The following ZNF529 variants were observed in gnomAD, a reference collection of about 807,000 sequenced individuals.
ZNF529 encodes zinc finger protein 529.
In ZNF529, 11 loss-of-function variants were observed where a neutral mutation model predicts 10.1. The observed-to-expected ratio is 1.09, with a 90% confidence interval of 0.69 to 1.81. The LOEUF (loss-of-function observed/expected upper bound fraction) is 1.81. Ranked by LOEUF, ZNF529 falls within the 40% of genes most tolerant of loss-of-function variation. The pLI is 0.00. For synonymous variants in ZNF529, 204 were observed against 215.7 expected, an observed-to-expected ratio of 0.95 and a Z score of 0.47; for missense variants, 624 against 666.8, an observed-to-expected ratio of 0.94 and a Z score of 0.71.
intron 2 of ZNF529, among the ~76,000 whole-genome samples, chr19:36,557,869 C>T (rs1221067901): frequency 6.6e-6 from 1 of 152,040 alleles, no homozygotes; most frequent in Non-Finnish European, 1.5e-5. Context: ...ATTTAACAGG[C>T]AAAGACTTCA....
intron 4 of ZNF529, among the ~76,000 whole-genome samples, chr19:36,549,011 C>A (rs749496649): frequency 3.9e-5 from 6 of 152,112 alleles, no homozygotes; most frequent in Non-Finnish European, 7.4e-5. Context: ...TCAAAAAAAA[C>A]CACCTCATTT....
upstream of ZNF529, chr19:36,577,988 TGAA>T (rs1310353152): frequency 6.9e-6 from 1 of 144,886 alleles, no homozygotes; most frequent in African/African-American, 2.7e-5. Context: ...TTTTATAAAA[TGAA>T]GAACTCAATC....
intron 2 of ZNF529, chr19:36,581,738 T>A: frequency 6.2e-6 from 1 of 161,970 alleles, no homozygotes; most frequent in Non-Finnish European, 1.3e-5. Context: ...TAGCTCTCCC[T>A]TTGCCTTCTG....
rs2035027610 is a variant in ZNF529, at chr19:36,546,514, G to T, written c.*352C>A. ...AGTAAGTATAGATATCACAAGCAAA[G>T]AATTACAATGCAGAAAAGATATTGA... is the stretch of plus-strand genomic sequence containing the variant. On this transcript the variant is annotated 3_prime_UTR_variant, in exon 5 of 5. Coordinates refer to ENST00000591340, the MANE Select transcript of ZNF529 (RefSeq NM_020951.5). The T allele has an allele frequency of 1.6e-5, 3 of 190,622 alleles. No individual in the cohort carries two copies. In the South Asian group the frequency reaches 3.8e-4, roughly 24 times the overall value. The allele number at this position is 190,622 out of a possible 1,614,324, so 11.8% of individuals were successfully genotyped here.
chr19:36,548,247 T>C lies in ZNF529; in HGVS notation c.311A>G (p.Glu104Gly), dbSNP rs1167305872. ...DIIQNTGSQW[E>G]VMESSKLCGL... ...ACATAACTTGCTACTTTCCATTACC[T>C]CCCACTGAGAACCAGTGTTTTGAAT... Residue 104 changes from glutamate to glycine, a missense_variant, in exon 5 of 5, where the codon GAG becomes GGG. Coordinates refer to ENST00000591340, the MANE Select transcript of ZNF529 (RefSeq NM_020951.5). 6.2e-7 allele frequency: 1 copy of C among 1,613,544 alleles called. No homozygotes were observed. Among genetic ancestry groups the C allele is most frequent in the Admixed American group, 1.7e-5 (1 of 59,918 alleles).
intron 1 of ZNF529, among the ~76,000 whole-genome samples, chr19:36,600,949 G>A (rs1405563347): frequency 2.0e-5 from 3 of 152,034 alleles, no homozygotes; most frequent in African/African-American, 7.2e-5. Flanking sequence ...GCAGGGTTTG[G>A]CCTACAGAGC....
At chr19:36,566,717 CA>C (rs111827896) in intron 2 of ZNF529, among the ~76,000 whole-genome samples, 2 of 150,472 alleles carry the variant, frequency 1.3e-5, no homozygotes, top group East Asian at 3.9e-4. Flanking sequence ...TACCTTGTCT[CA>C]AAAAAATAAT....
chr19:36,565,234 C>T (rs527668097), intron 2 of ZNF529, among the ~76,000 whole-genome samples: 70 of 151,732 alleles, frequency 4.6e-4, no homozygotes, highest in Non-Finnish European at 8.1e-4. Context: ...CCCCCTGAAT[C>T]GAAAATAAAA....
At chr19:36,580,666 T>C (rs2036442933) in intron 2 of ZNF529, 1 of 152,074 alleles carries the variant, frequency 6.6e-6, no homozygotes, top group Non-Finnish European at 1.5e-5. Flanking sequence ...ACAAAAGAAA[T>C]AGATCCACAA....
intron 2 of ZNF529, among the ~76,000 whole-genome samples, chr19:36,565,854 C>G (rs956360146): frequency 6.6e-6 from 1 of 152,072 alleles, no homozygotes; most frequent in Non-Finnish European, 1.5e-5. Context: ...TGTTAAAGAG[C>G]ACACAATGTA....
intron 1 of ZNF529, among the ~76,000 whole-genome samples, chr19:36,602,947 A>AC (rs1381011899): frequency 2.0e-5 from 3 of 151,322 alleles, no homozygotes; most frequent in East Asian, 1.9e-4. Flanking sequence ...AAAAAAAAAA[A>AC]AAACACGTGA....
At chr19:36,559,121 C>A (rs1466588835) in intron 2 of ZNF529, among the ~76,000 whole-genome samples, 2 of 151,446 alleles carry the variant, frequency 1.3e-5, no homozygotes, top group Admixed American at 1.3e-4. Flanking sequence ...ATCAAAAAGA[C>A]AAGAAAGAAA....
At chr19:36,565,162 T>A (rs775183585) in intron 2 of ZNF529, among the ~76,000 whole-genome samples, 1 of 151,988 alleles carries the variant, frequency 6.6e-6, no homozygotes, top group Non-Finnish European at 1.5e-5. Context: ...GAAGACAAGA[T>A]CAATTGTACT....
In ZNF529 at chr19:36,544,367, A is replaced by G. The variant is rs1476878760; in HGVS notation, c.*2499T>C. Reference sequence around the variant, plus strand: ...TTATTTGTTAATGACTTCAAAAAGTAAAAGCCAAGACACAAGGATATTTTG... The same window carrying G: ...TTATTTGTTAATGACTTCAAAAAGTGAAAGCCAAGACACAAGGATATTTTG... On this transcript the variant is annotated 3_prime_UTR_variant, in exon 5 of 5. Coordinates refer to ENST00000591340, the MANE Select transcript of ZNF529 (RefSeq NM_020951.5). 1.3e-5 allele frequency: 2 copies of G among 152,220 alleles called. 1 individual carries two copies. The allele number at this position is 152,220 out of a possible 1,614,324, so 9.4% of individuals were successfully genotyped here.
chr19:36,580,139 T>C (rs2036430792), intron 2 of ZNF529: 1 of 152,210 alleles, frequency 6.6e-6, no homozygotes, highest in South Asian at 2.1e-4. Flanking sequence ...TACCGCCATA[T>C]CTTGTCCAAC....
At position 36,583,859 on chromosome 19, in the gene ZNF529, A is replaced by G. The variant is rs149902721; in HGVS notation, c.-41+5756T>C. Among the ~76,000 whole-genome samples the G allele has an allele frequency of 7.2e-3, 1,096 of 152,264 alleles. 16 individuals carry two copies. Among genetic ancestry groups the G allele is most frequent in the African/African-American group, 0.025 (1,032 of 41,556 alleles). Reference sequence around the variant, plus strand: ...ATTACCTATAATGCAGCACAGAGATAAAAAGTGAAATACAGATGAGAAACT... The same window carrying G: ...ATTACCTATAATGCAGCACAGAGATGAAAAGTGAAATACAGATGAGAAACT... On this transcript the variant is annotated intron_variant, in intron 2 of 4. Coordinates refer to the ZNF529 transcript ENST00000585960.
Position 36,547,516 on chromosome 19 carries a change from T to G in ZNF529, c.1042A>C (p.Arg348=). 6.2e-7 allele frequency: 1 copy of G among 1,613,416 alleles called. No homozygotes were observed. The highest frequency in any genetic ancestry group is 8.5e-7 in the Non-Finnish European group (1 of 1,179,390). The part of the protein sequence containing the change: ...YKCMHCEKVF[R]ISSQLIEHQR... ...TGTTCAATGAGCTGTGAACTAATTC[T>G]AAAAACCTTCTCACAGTGCATACAT... The change falls in exon 5 of 5, where the codon AGA becomes CGA. Residue 348 remains arginine, a synonymous_variant. Transcript: ENST00000591340.
intron 2 of ZNF529, chr19:36,581,764 T>G (rs1401339023): frequency 6.2e-6 from 1 of 161,806 alleles, no homozygotes; most frequent in Non-Finnish European, 1.3e-5. Flanking sequence ...ATTGTAAGCT[T>G]CCTGAGGCCT....
chr19:36,550,541 G>A (rs141407819), intron 4 of ZNF529, among the ~76,000 whole-genome samples: 70 of 151,704 alleles, frequency 4.6e-4, no homozygotes, highest in African/African-American at 1.5e-3. Context: ...GTGAGACTAC[G>A]TCTTAAAAAA....
Sources: gnomAD v4.1 joint callset for allele counts (sites outside exome capture counted in the v4.1 genomes callset) on GRCh38, gnomAD v4.1.1 for gene constraint, MANE v1.5 for transcripts, NCBI Gene and HGNC (gene_info 2026-07-23, HGNC 2026-07-21) for gene names.